NOL4: variants seen among roughly 807,000 people sequenced by gnomAD.
NOL4 encodes nucleolar protein 4.
NOL4 carries 17 observed loss-of-function variants against 75.9 expected under a neutral mutation model. The observed-to-expected ratio is 0.22, with a 90% CI of 0.15 to 0.34. The LOEUF (loss-of-function observed/expected upper bound fraction) is 0.34. Ranked by LOEUF, NOL4 falls within the 10% of genes least tolerant of loss-of-function variation. The pLI is 1.00. For synonymous variants in NOL4, 292 were observed against 289.9 expected, an observed-to-expected ratio of 1.01 and a Z score of -0.07; for missense variants, 614 against 793.5, an observed-to-expected ratio of 0.77 and a Z score of 2.72.
intron 10 of NOL4, among the ~76,000 whole-genome samples, chr18:33,867,538 T>G (rs2063491908): frequency 6.6e-6 from 1 of 152,080 alleles, no homozygotes; most frequent in Non-Finnish European, 1.5e-5. Context: ...TGTCTGGTAT[T>G]TCCTCAGGGC....
At chr18:34,149,781 A>G (rs1341337475) in intron 1 of NOL4, among the ~76,000 whole-genome samples, 2 of 151,674 alleles carry the variant, frequency 1.3e-5, no homozygotes, top group African/African-American at 4.8e-5. Flanking sequence ...ACTCTACACA[A>G]TGAACTCATT....
chr18:33,860,645 C>T (rs1184758775), intron 10 of NOL4, among the ~76,000 whole-genome samples: 2 of 151,854 alleles, frequency 1.3e-5, no homozygotes, highest in East Asian at 1.9e-4. Flanking sequence ...TGCCTAATTG[C>T]CCTGGCCAGA....
chr18:34,218,124 G>C (rs1263605844), intron 1 of NOL4, among the ~76,000 whole-genome samples: 1 of 147,602 alleles, frequency 6.8e-6, no homozygotes, highest in Non-Finnish European at 1.5e-5. Context: ...AAAAAACAAA[G>C]AGTGAAAGTC....
chr18:34,098,605 C>A (rs1363917789), intron 4 of NOL4, among the ~76,000 whole-genome samples: 1 of 152,076 alleles, frequency 6.6e-6, no homozygotes, highest in Non-Finnish European at 1.5e-5. Context: ...TGTATTAAGA[C>A]ACTAAGTTTT....
intron 6 of NOL4, among the ~76,000 whole-genome samples, chr18:34,015,517 G>A (rs1010659999): frequency 6.6e-6 from 1 of 151,644 alleles, no homozygotes; most frequent in African/African-American, 2.4e-5. Context: ...TTTCTCCTTG[G>A]GTATATGTTT....
intron 8 of NOL4, among the ~76,000 whole-genome samples, chr18:33,943,791 C>T (rs548607123): frequency 1.3e-4 from 19 of 151,786 alleles, no homozygotes; most frequent in Admixed American, 8.5e-4. Context: ...GTGTACATGC[C>T]TGTTTTGTTT....
intron 9 of NOL4, among the ~76,000 whole-genome samples, chr18:33,900,531 A>G (rs2144973331): frequency 6.6e-6 from 1 of 152,322 alleles, no homozygotes; most frequent in Non-Finnish European, 1.5e-5. Context: ...ACTAATCTGA[A>G]GTTACTTGGA....
chr18:34,059,394 C>T (rs77725895), intron 5 of NOL4, among the ~76,000 whole-genome samples: 1,662 of 152,080 alleles, frequency 0.011, 16 homozygotes, highest in Middle Eastern at 0.034. Context: ...ATGTCTCATG[C>T]TGTTTCTCTT....
At chr18:33,879,209 C>T (rs1352048924) in intron 10 of NOL4, among the ~76,000 whole-genome samples, 2 of 152,156 alleles carry the variant, frequency 1.3e-5, no homozygotes, top group East Asian at 1.9e-4. Flanking sequence ...GGAATATTCT[C>T]GCTTTTATTC....
At chr18:33,973,143 T>G (rs1600108147) in intron 6 of NOL4, among the ~76,000 whole-genome samples, 1 of 152,226 alleles carries the variant, frequency 6.6e-6, no homozygotes, top group Non-Finnish European at 1.5e-5. Flanking sequence ...TATGTAATAT[T>G]CTAAATCTTT....
chr18:34,202,331 A>C (rs543545595), intron 1 of NOL4, among the ~76,000 whole-genome samples: 1 of 152,082 alleles, frequency 6.6e-6, no homozygotes, highest in East Asian at 1.9e-4. Flanking sequence ...GAAATTGTTA[A>C]GTAATAAATT....
intron 7 of NOL4, 100 bp from the exon 8 acceptor site, chr18:33,957,617 G>C: frequency 1.1e-6 from 1 of 942,636 alleles, no homozygotes; most frequent in East Asian, 2.7e-5. Flanking sequence ...ACTGTTTTCT[G>C]GTTTATGCAC....
At chr18:34,021,996 C>T (rs1048817806) in intron 5 of NOL4, among the ~76,000 whole-genome samples, 18 of 151,596 alleles carry the variant, frequency 1.2e-4, no homozygotes, top group Middle Eastern at 3.4e-3. Flanking sequence ...CTCAGCTACT[C>T]GGGAGGCTGA....
In NOL4 at chr18:33,909,701, C is replaced by T. The variant is rs114409492; in HGVS notation, c.1543-26277G>A. On this transcript the variant is annotated intron_variant, in intron 9 of 10. Coordinates refer to ENST00000261592, the MANE Select transcript of NOL4 (RefSeq NM_003787.5). ...TAAAAACTTAATAATCTGTTGGATG[C>T]CTTCTATCTACTAGGCTAGACGGTC... 6.9e-3 allele frequency among the ~76,000 whole-genome samples: 1,045 copies of T among 152,102 alleles called. 11 individuals are homozygous for T. Among genetic ancestry groups the T allele is most frequent in the African/African-American group, 0.024 (984 of 41,488 alleles).
intron 2 of NOL4, among the ~76,000 whole-genome samples, chr18:34,125,084 C>T (rs2080323854): frequency 6.6e-6 from 1 of 152,088 alleles, no homozygotes; most frequent in Non-Finnish European, 1.5e-5. Flanking sequence ...CTGCTGGCAG[C>T]TTAATTGATT....
chr18:33,881,398 C>T (rs916574212), intron 10 of NOL4, among the ~76,000 whole-genome samples: 2 of 149,970 alleles, frequency 1.3e-5, no homozygotes, highest in African/African-American at 4.9e-5. Context: ...ACTTCCAACA[C>T]TATGTTGAAT....
chr18:33,890,497 C>G (rs576916629), intron 9 of NOL4, among the ~76,000 whole-genome samples: 1 of 152,226 alleles, frequency 6.6e-6, no homozygotes, highest in Admixed American at 6.5e-5. Flanking sequence ...CTACCAATGA[C>G]TTTCTTCACA....
chr18:33,865,830 A>T (rs930438104), intron 10 of NOL4, among the ~76,000 whole-genome samples: 18 of 152,006 alleles, frequency 1.2e-4, no homozygotes, highest in African/African-American at 4.3e-4. Context: ...CAAACACTTA[A>T]CTCCTCCTGA....
chr18:34,162,634 T>A (rs755331514), intron 1 of NOL4, among the ~76,000 whole-genome samples: 9 of 152,134 alleles, frequency 5.9e-5, no homozygotes, highest in Non-Finnish European at 1.2e-4. Context: ...ACCAGATGGA[T>A]TCACAGCTGA....
Sources: gnomAD v4.1 joint callset for allele counts (sites outside exome capture counted in the v4.1 genomes callset) on GRCh38, gnomAD v4.1.1 for gene constraint, MANE v1.5 for transcripts, NCBI Gene and HGNC (gene_info 2026-07-23, HGNC 2026-07-21) for gene names.